CLN6: variants seen among roughly 807,000 people sequenced by gnomAD.
CLN6 encodes CLN6 transmembrane ER protein.
Under a neutral mutation model 33.3 loss-of-function variants are expected in CLN6, and 22 were observed. The ratio of observed to expected loss-of-function variants is 0.66; its 90% CI spans 0.47 to 0.94. The LOEUF is 0.94. Ranked by LOEUF, CLN6 falls within the 40% of genes least tolerant of loss-of-function variation. The pLI is 0.00. For synonymous variants in CLN6, 201 were observed against 174.6 expected (o/e 1.15, Z -1.19); for missense variants, 387 against 417.1 (o/e 0.93, Z 0.63).
Position 68,208,535 on chromosome 15 carries a change from C to T in CLN6, c.666-125G>A. On this transcript the variant is annotated intron_variant, in intron 6 of 6. Coordinates refer to ENST00000249806, the MANE Select transcript of CLN6 (RefSeq NM_017882.3). This position sits in a 1 kb window ranked among gnomAD's most constrained non-coding sequence, Gnocchi z 5.8. ...AGAAGAGTCCTCTGGTGCCAGGGCT[C>T]AGAGAACTATGCCGCTCTAAGCCAC... is the stretch of plus-strand genomic sequence containing the variant. 9.9e-7 allele frequency: 1 copy of T among 1,007,306 alleles called. No individual in the cohort carries two copies. Among genetic ancestry groups the T allele is most frequent in the South Asian group, 1.4e-5 (1 of 71,944 alleles). The allele number at this position is 1,007,306 out of a possible 1,614,324, so 62.4% of individuals were successfully genotyped here. A position where few individuals can be genotyped will look rare whatever the true frequency, so the allele number is the denominator to read the frequency against.
Position 68,241,622 on chromosome 15 carries a change from G to C in CLN6, c.179+15068C>G, listed in dbSNP as rs1256352170. 2.0e-5 allele frequency among the ~76,000 whole-genome samples: 3 copies of C among 151,976 alleles called. No individual in the cohort carries two copies. Among genetic ancestry groups the C allele is most frequent in the African/African-American group, 7.2e-5 (3 of 41,548 alleles). ...AGGACACTGAGAGACCAAGGAGGGAGGTGGGGATACTATCCCTAGCCCTAG... is the reference window on the plus strand; with the variant it reads ...AGGACACTGAGAGACCAAGGAGGGACGTGGGGATACTATCCCTAGCCCTAG... On this transcript the variant is annotated intron_variant, in intron 1 of 6. Coordinates refer to the CLN6 transcript ENST00000538696. The surrounding 1 kb of genome is among the most constrained non-coding windows in gnomAD (Gnocchi z 4.2).
In CLN6 at chr15:68,242,541, AAAAT is replaced by A. The variant is rs759700126; in HGVS notation, c.179+14145_179+14148del. On this transcript the variant is annotated intron_variant, in intron 1 of 6. Coordinates refer to the CLN6 transcript ENST00000538696. This position sits in a 1 kb window ranked among gnomAD's most constrained non-coding sequence, Gnocchi z 5.0. ...ATAAATAATAAGGAGACTCCATCTC[AAAAT>A]AAATAAATAAATAAATAAGGAAAAG... Among the ~76,000 whole-genome samples, 104 of 152,180 alleles carry A rather than the reference AAAAT, an allele frequency of 6.8e-4. No individual in the cohort carries two copies. The highest frequency in any genetic ancestry group is 1.8e-3 in the African/African-American group (74 of 41,560).
Position 68,211,378 on chromosome 15 carries a change from T to G in CLN6, c.487-60A>C. 6 of 1,601,372 alleles carry G rather than the reference T, an allele frequency of 3.7e-6. No individual in the cohort carries two copies. Among genetic ancestry groups the G allele is most frequent in the Non-Finnish European group, 5.1e-6 (6 of 1,169,130 alleles). The stretch of plus-strand genomic sequence containing the variant: ...TGTCGATGTCAGTCCAGGGAGGTGC[T>G]GGGGCCCCAAGCATCCCCTCTGACC... On this transcript the variant is annotated intron_variant, in intron 4 of 6. Transcript: ENST00000249806. The surrounding 1 kb of genome is among the most constrained non-coding windows in gnomAD (Gnocchi z 5.9).
rs1006672698 is a variant in CLN6, at chr15:68,246,177, A to G, written c.179+10513T>C. Among the ~76,000 whole-genome samples the G allele has an allele frequency of 2.6e-5, 4 of 152,166 alleles. No homozygotes were observed. The highest frequency in any genetic ancestry group is 4.4e-5 in the Non-Finnish European group (3 of 68,046). ...CAGATCATCCAGACAGAAAATCAAC[A>G]AAGAAGCATCAGAATTGAACTACAC... On this transcript the variant is annotated intron_variant, in intron 1 of 6. Transcript: ENST00000538696. The surrounding 1 kb of genome is among the most constrained non-coding windows in gnomAD (Gnocchi z 4.5).
In CLN6 at chr15:68,214,313, T is replaced by C. The variant is rs1421541743; in HGVS notation, c.274A>G (p.Ile92Val). ...GDYFHMAYNV[I>V]TPFLLLKLIE... is the part of the protein sequence containing the mutation. ...ACCTTGAGCAAGAGAAAGGGCGTGA[T>C]GACGTTGTAGGCCATGTGGAAGTAG... The change falls in exon 3 of 7, where the codon ATC becomes GTC. Residue 92 changes from isoleucine to valine, a missense_variant. Transcript: ENST00000249806. The C allele has an allele frequency of 6.2e-7, 1 of 1,613,916 alleles. No homozygotes were observed. Among genetic ancestry groups the C allele is most frequent in the East Asian group, 2.2e-5 (1 of 44,876 alleles).
At position 68,208,808 on chromosome 15, in the gene CLN6, C is replaced by T. The variant is rs1595816751; in HGVS notation, c.666-398G>A. Among the ~76,000 whole-genome samples the T allele has an allele frequency of 1.3e-5, 2 of 152,340 alleles. No individual in the cohort carries two copies. Among genetic ancestry groups the T allele is most frequent in the South Asian group, 2.1e-4 (1 of 4,830 alleles). On this transcript the variant is annotated intron_variant, in intron 6 of 6. Coordinates refer to ENST00000249806, the MANE Select transcript of CLN6 (RefSeq NM_017882.3). The surrounding 1 kb of genome is among the most constrained non-coding windows in gnomAD (Gnocchi z 5.8). ...GAACCAGCAGGAAGCGCTCCCCTAA[C>T]GTCTTTCCCGCTCACTGTAGCTGCC...
chr15:68,213,890 G>A (rs2093213072), intron 3 of CLN6: 2 of 237,226 alleles, frequency 8.4e-6, no homozygotes, highest in Middle Eastern at 1.6e-3. Flanking sequence ...TGCCTCTCCT[G>A]CCACCTGGCT....
At chr15:68,216,706 T>C (rs891760390) in intron 2 of CLN6, among the ~76,000 whole-genome samples, 6 of 152,246 alleles carry the variant, frequency 3.9e-5, no homozygotes, top group Non-Finnish European at 8.8e-5. Flanking sequence ...TCCCTAATGC[T>C]GGACACGCAA....
intron 1 of CLN6, among the ~76,000 whole-genome samples, chr15:68,224,266 A>AAAG (rs2093245816): frequency 1.0e-4 from 1 of 9,656 alleles, no homozygotes; most frequent in African/African-American, 1.4e-4. Flanking sequence ...ACCTTATTGC[A>AAAG]AAAAAAAAAA....
At position 68,228,542 on chromosome 15, in the gene CLN6, G is replaced by A. The variant is rs2093258611; in HGVS notation, c.83+960C>T. Among the ~76,000 whole-genome samples the A allele has an allele frequency of 6.6e-6, 1 of 152,136 alleles. No homozygotes were observed. Among genetic ancestry groups the A allele is most frequent in the East Asian group, 1.9e-4 (1 of 5,188 alleles). ...ATTAAAGGCCCTTCACAATCAGTCT[G>A]CATCCTCCTGTCACTTTCTTTTACA... On this transcript the variant is annotated intron_variant, in intron 1 of 6. Coordinates refer to ENST00000249806, the MANE Select transcript of CLN6 (RefSeq NM_017882.3). This position sits in a 1 kb window ranked among gnomAD's most constrained non-coding sequence, Gnocchi z 4.4.
intron 1 of CLN6, among the ~76,000 whole-genome samples, chr15:68,225,919 A>G (rs577907900): frequency 1.3e-5 from 2 of 152,084 alleles, no homozygotes; most frequent in South Asian, 4.2e-4. Flanking sequence ...GCAGTGAGCC[A>G]AGATGGCACC....
At chr15:68,243,006 G>A (rs1389353847) in intron 1 of CLN6, among the ~76,000 whole-genome samples, 3 of 152,182 alleles carry the variant, frequency 2.0e-5, no homozygotes, top group Admixed American at 6.5e-5. Context: ...TAGTTGAGAC[G>A]ACTGCAGAAA....
intron 1 of CLN6, among the ~76,000 whole-genome samples, chr15:68,221,967 T>G (rs1488164285): frequency 6.9e-6 from 1 of 145,212 alleles, no homozygotes; most frequent in East Asian, 2.1e-4. Flanking sequence ...GTCTGGGAAG[T>G]GAGGAGCCCC....
At chr15:68,215,492 A>G (rs770338181) in intron 2 of CLN6, 7 of 152,064 alleles carry the variant, frequency 4.6e-5, no homozygotes, top group African/African-American at 7.2e-5. Flanking sequence ...AGAGAGAGCT[A>G]TATTTTTTTT....
intron 1 of CLN6, among the ~76,000 whole-genome samples, chr15:68,240,693 A>AG (rs1555440955): frequency 6.6e-6 from 1 of 151,214 alleles, no homozygotes; most frequent in East Asian, 1.9e-4. Flanking sequence ...TAAAAAAAAA[A>AG]GGGGACAGGG....
chr15:68,221,510 A>G (rs913662931), intron 1 of CLN6, among the ~76,000 whole-genome samples: 29 of 152,080 alleles, frequency 1.9e-4, no homozygotes, highest in Admixed American at 1.4e-3. Flanking sequence ...GGGATTGCAG[A>G]CGGAGTCTCG....
At position 68,219,469 on chromosome 15, in the gene CLN6, G is replaced by A. The variant is rs766702236; in HGVS notation, c.84-819C>T. 6.6e-6 allele frequency among the ~76,000 whole-genome samples: 1 copy of A among 152,194 alleles called. No homozygotes were observed. The highest frequency in any genetic ancestry group is 1.5e-5 in the Non-Finnish European group (1 of 68,044). On this transcript the variant is annotated intron_variant, in intron 1 of 6. Transcript: ENST00000249806. This position sits in a 1 kb window ranked among gnomAD's most constrained non-coding sequence, Gnocchi z 4.2. Reference sequence around the variant, plus strand: ...TGTGAGAGACACAGCAGGAAGTGGAGTACTGCCTCACGATACATCTTTGGA... The same window carrying A: ...TGTGAGAGACACAGCAGGAAGTGGAATACTGCCTCACGATACATCTTTGGA...
At chr15:68,218,158 A>C (rs1054449031) in intron 2 of CLN6, 2 of 272,994 alleles carry the variant, frequency 7.3e-6, no homozygotes, top group Non-Finnish European at 1.5e-5. Flanking sequence ...GGGGAAGGAC[A>C]GGGGAGACGG....
chr15:68,214,437 G>T, intron 2 of CLN6, 49 bp from the exon 3 acceptor site: 1 of 1,429,126 alleles, frequency 7.0e-7, no homozygotes, highest in Non-Finnish European at 9.9e-7. Context: ...GCCCCACGCG[G>T]CCCTCGGGCC....
Sources: gnomAD v4.1 joint callset for allele counts (sites outside exome capture counted in the v4.1 genomes callset) on GRCh38, gnomAD v4.1.1 for gene constraint, Gnocchi (gnomAD v3.1) non-coding constraint, MANE v1.5 for transcripts, NCBI Gene and HGNC (gene_info 2026-07-23, HGNC 2026-07-21) for gene names.